SGCZ: variants seen among roughly 807,000 people sequenced by gnomAD.
SGCZ encodes the protein sarcoglycan zeta.
A neutral mutation model predicts 41.3 loss-of-function variants in SGCZ; 40 were observed. That is an observed-to-expected ratio of 0.97 (90% CI 0.75 to 1.26). The LOEUF (loss-of-function observed/expected upper bound fraction) is 1.26, where lower values mean the gene tolerates loss of function less well. SGCZ is among the 50% of genes most tolerant of loss of function. The pLI is 0.00. For missense variants in SGCZ, 552 were observed against 369.8 expected, an observed-to-expected ratio of 1.49 and a Z score of -4.04; for synonymous variants, 206 against 137.5, an observed-to-expected ratio of 1.50 and a Z score of -3.49.
intron 1 of SGCZ, among the ~76,000 whole-genome samples, chr8:14,703,630 T>A (rs1277231489): frequency 2.0e-5 from 3 of 152,010 alleles, no homozygotes; most frequent in African/African-American, 7.2e-5. Flanking sequence ...TGGTATAGCA[T>A]TCATTGCAGC....
At chr8:15,234,058 T>C (rs79842247) in intron 1 of SGCZ, among the ~76,000 whole-genome samples, 11 of 152,326 alleles carry the variant, frequency 7.2e-5, no homozygotes, top group Non-Finnish European at 1.6e-4. Context: ...AACAAAGTCA[T>C]AGACTTTATT....
At chr8:14,379,464 G>C (rs1430819782) in intron 2 of SGCZ, among the ~76,000 whole-genome samples, 1 of 152,066 alleles carries the variant, frequency 6.6e-6, no homozygotes, top group Non-Finnish European at 1.5e-5. Context: ...GCTACTCTAA[G>C]TCACAGGTAT....
intron 2 of SGCZ, among the ~76,000 whole-genome samples, chr8:14,350,278 G>A (rs1037239635): frequency 2.0e-5 from 3 of 151,266 alleles, no homozygotes; most frequent in East Asian, 1.9e-4. Context: ...GCTTTTTCAA[G>A]TCCTGAAGAT....
intron 1 of SGCZ, among the ~76,000 whole-genome samples, chr8:14,993,784 G>A (rs899310342): frequency 3.9e-5 from 6 of 152,162 alleles, no homozygotes; most frequent in African/African-American, 1.4e-4. Context: ...CAAGGTCAAT[G>A]TTAACAGACG....
intron 1 of SGCZ, among the ~76,000 whole-genome samples, chr8:14,824,461 C>T (rs1802222116): frequency 6.6e-6 from 1 of 151,964 alleles, no homozygotes; most frequent in Non-Finnish European, 1.5e-5. Flanking sequence ...AATAAAATTC[C>T]TCATTGTTAC....
chr8:14,122,366 A>C (rs17276956), intron 5 of SGCZ, among the ~76,000 whole-genome samples: 51,263 of 152,118 alleles, frequency 0.34, 10,940 homozygotes, highest in Non-Finnish European at 0.48. Flanking sequence ...AGAGGGCAAA[A>C]TAACAAAAAC....
intron 1 of SGCZ, among the ~76,000 whole-genome samples, chr8:14,808,521 C>T (rs1405881515): frequency 3.3e-5 from 5 of 152,098 alleles, no homozygotes; most frequent in Non-Finnish European, 1.5e-5. Context: ...AAATCAAAAC[C>T]ACAATGAGAT....
chr8:14,895,644 C>T (rs752971144), intron 1 of SGCZ, among the ~76,000 whole-genome samples: 1 of 152,106 alleles, frequency 6.6e-6, no homozygotes, highest in Non-Finnish European at 1.5e-5. Flanking sequence ...AGCCAAGGGA[C>T]TTGCTTAATA....
intron 1 of SGCZ, among the ~76,000 whole-genome samples, chr8:14,818,813 A>C (rs1291760423): frequency 6.6e-6 from 1 of 152,070 alleles, no homozygotes; most frequent in African/African-American, 2.4e-5. Flanking sequence ...AGAACAGATT[A>C]GATCAAGCAG....
At chr8:14,455,673 C>G (rs1415781883) in intron 2 of SGCZ, among the ~76,000 whole-genome samples, 1 of 152,086 alleles carries the variant, frequency 6.6e-6, no homozygotes, top group African/African-American at 2.4e-5. Flanking sequence ...GTTTTATTTG[C>G]AATCACAAAA....
chr8:14,710,266 A>AGGCTGAGGCAGGG (rs1183228236), intron 1 of SGCZ, among the ~76,000 whole-genome samples: 2 of 148,644 alleles, frequency 1.3e-5, no homozygotes, highest in African/African-American at 2.5e-5. Context: ...ACTACGCCGG[A>AGGCTGAGGCAGGG]GGCTGAGGCA....
At chr8:14,602,116 T>C (rs556882966) in intron 1 of SGCZ, among the ~76,000 whole-genome samples, 1 of 152,030 alleles carries the variant, frequency 6.6e-6, no homozygotes, top group East Asian at 1.9e-4. Context: ...CGAGTCTCCG[T>C]CTGAAAAAAA....
At chr8:14,120,606 A>C (rs138704172) in intron 5 of SGCZ, among the ~76,000 whole-genome samples, 44 of 152,242 alleles carry the variant, frequency 2.9e-4, no homozygotes, top group Middle Eastern at 6.8e-3. Flanking sequence ...GGAAAAAATA[A>C]AACTAACATG....
intron 3 of SGCZ, among the ~76,000 whole-genome samples, chr8:14,245,358 T>C (rs907812745): frequency 7.2e-5 from 11 of 152,160 alleles, no homozygotes; most frequent in Admixed American, 5.9e-4. Context: ...GATTCCCTAT[T>C]TAATAAATGG....
rs927801862 is a variant in SGCZ, at chr8:14,969,197, T to C, written c.39+268388A>G. 2.0e-4 allele frequency among the ~76,000 whole-genome samples: 30 copies of C among 152,140 alleles called. 1 individual carries two copies. The highest frequency in any genetic ancestry group is 2.0e-3 in the Admixed American group (30 of 15,268). ...TGGGCTTAAAATCCAATATGTCACC[T>C]ACAATTTTCATCTTCTTAGTTATTA... is the stretch of plus-strand genomic sequence containing the variant. On this transcript the variant is annotated intron_variant, in intron 1 of 7. Coordinates refer to ENST00000382080, the MANE Select transcript of SGCZ (RefSeq NM_139167.4).
At chr8:14,329,700 G>C (rs916359238) in intron 2 of SGCZ, among the ~76,000 whole-genome samples, 1 of 152,054 alleles carries the variant, frequency 6.6e-6, no homozygotes, top group Non-Finnish European at 1.5e-5. Context: ...TCATATTCTT[G>C]TTTAGGGGAA....
chr8:15,030,996 G>A (rs1803639714), intron 1 of SGCZ, among the ~76,000 whole-genome samples: 1 of 151,978 alleles, frequency 6.6e-6, no homozygotes, highest in Non-Finnish European at 1.5e-5. Context: ...TTTCCTGGAG[G>A]ATTATCCAGG....
At chr8:14,563,580 G>A (rs1311204962) in intron 1 of SGCZ, among the ~76,000 whole-genome samples, 3 of 152,278 alleles carry the variant, frequency 2.0e-5, no homozygotes, top group Middle Eastern at 3.4e-3. Context: ...CCACCTAAAT[G>A]TGTGCCACAG....
chr8:14,879,425 A>G (rs1563334250), intron 1 of SGCZ: 1 of 152,162 alleles, frequency 6.6e-6, no homozygotes, highest in African/African-American at 2.4e-5. Flanking sequence ...TGAATAATGG[A>G]AATCACTAAA....
Sources: gnomAD v4.1 joint callset for allele counts (sites outside exome capture counted in the v4.1 genomes callset) on GRCh38, gnomAD v4.1.1 for gene constraint, MANE v1.5 for transcripts, NCBI Gene and HGNC (gene_info 2026-07-23, HGNC 2026-07-21) for gene names.